The following SWAP70 variants were observed in gnomAD, a reference collection of about 807,000 sequenced individuals.
SWAP70 encodes the protein switching B cell complex subunit SWAP70, also known as switch-associated protein 70.
In SWAP70, 34 loss-of-function variants were observed where a neutral mutation model predicts 80.2. That is an observed-to-expected ratio of 0.42 (90% CI 0.32 to 0.56). The LOEUF (loss-of-function observed/expected upper bound fraction) is 0.56. SWAP70 is among the 20% of genes least tolerant of loss of function. The pLI, the probability that SWAP70 is intolerant of heterozygous loss-of-function variation, is 0.09. For synonymous variants in SWAP70, 239 were observed against 238.5 expected (o/e 1.00, Z -0.02); for missense variants, 578 against 690.7 (o/e 0.84, Z 1.83).
At chr11:9,690,803 T>TA (rs1170507160) in intron 1 of SWAP70, among the ~76,000 whole-genome samples, 1 of 152,166 alleles carries the variant, frequency 6.6e-6, no homozygotes, top group Non-Finnish European at 1.5e-5. Flanking sequence ...AGGTTGCTGA[T>TA]AAAAAGTTTT....
chr11:9,672,397 C>T (rs912150663), intron 1 of SWAP70, among the ~76,000 whole-genome samples: 1 of 151,254 alleles, frequency 6.6e-6, no homozygotes, highest in African/African-American at 2.4e-5. Flanking sequence ...CAGGGTCTCA[C>T]TCTGTCACTC....
intron 9 of SWAP70, chr11:9,742,033 C>G (rs1390963950): frequency 6.6e-6 from 1 of 150,520 alleles, no homozygotes; most frequent in African/African-American, 2.4e-5. Context: ...GCATTTGCAC[C>G]ACTGTACTAC....
rs796983418 is a variant in SWAP70, at chr11:9,720,162, G to A, written c.415-4496G>A. 10 of 985,158 alleles carry A rather than the reference G, an allele frequency of 1.0e-5. No individual in the cohort carries two copies. The African/African-American group carries it at 1.7e-4, about 17-fold the overall frequency. 61.0% of individuals were successfully genotyped at this position (985,158 alleles called of 1,614,324 possible). ...AGAATGGTAATGTTTGTCTCTCCTT[G>A]GCCCAATATAATGAATCAAAAGGCC... On this transcript the variant is annotated intron_variant, in intron 3 of 11. Transcript: ENST00000318950.
At chr11:9,736,503 C>T (rs902057733) in intron 7 of SWAP70, among the ~76,000 whole-genome samples, 13 of 152,038 alleles carry the variant, frequency 8.6e-5, no homozygotes, top group African/African-American at 2.9e-4. Flanking sequence ...CCCCTCTCCC[C>T]AGAGGCCTGC....
chr11:9,664,366 T>A, intron 1 of SWAP70, 88 bp downstream of exon 1: 8 of 1,402,624 alleles, frequency 5.7e-6, no homozygotes, highest in Non-Finnish European at 7.7e-6. Flanking sequence ...TGGCGGGCCG[T>A]GACCGCAGGG....
At chr11:9,738,136 G>C in intron 7 of SWAP70, 77 bp from the exon 8 acceptor site, 2 of 985,222 alleles carry the variant, frequency 2.0e-6, no homozygotes, top group Non-Finnish European at 2.9e-6. Flanking sequence ...CTGTACTTAA[G>C]TATGACTGTC....
chr11:9,671,416 TTATAAATATATA>T (rs1850382527), intron 1 of SWAP70, among the ~76,000 whole-genome samples: 1 of 87,858 alleles, frequency 1.1e-5, no homozygotes, highest in African/African-American at 5.0e-5. Context: ...AAAAATATAT[TTATAAATATATA>T]TATAAATATA....
chr11:9,673,973 C>G (rs1347462679), intron 1 of SWAP70, among the ~76,000 whole-genome samples: 1 of 152,146 alleles, frequency 6.6e-6, no homozygotes, highest in East Asian at 1.9e-4. Flanking sequence ...GATCTTGGCT[C>G]ACTGCAACCT....
rs1850604132 is a variant in SWAP70 at position 9,684,287 on chromosome 11, G to T, written c.100-9859G>T. On this transcript the variant is annotated intron_variant, in intron 1 of 11. Transcript: ENST00000318950. ...CATAGAGACAGGGTCTTGTTATGTT[G>T]CCCGGGCTGGTCCCAAACTCCTGAC... 2.6e-5 allele frequency among the ~76,000 whole-genome samples: 4 copies of T among 152,102 alleles called. No homozygotes were observed. In the South Asian group the frequency reaches 8.3e-4, roughly 32 times the overall value.
At chr11:9,704,867 AGATACACGGTGAAAGACAG>A (rs1363779965) in intron 2 of SWAP70, among the ~76,000 whole-genome samples, 5 of 152,252 alleles carry the variant, frequency 3.3e-5, no homozygotes, top group Admixed American at 3.3e-4. Context: ...GCATATCCAC[AGATACACGGTGAAAGACAG>A]GATCTAGAAT....
In SWAP70 at chr11:9,682,441, G is replaced by A. The variant is rs757374687; in HGVS notation, c.100-11705G>A. ...GAGATCTCATTTGGATCTTTTGGAC[G>A]TGAGGCAGATTTAGAATAGAAATCT... On this transcript the variant is annotated intron_variant, in intron 1 of 11. Transcript: ENST00000318950. 6.1e-4 allele frequency among the ~76,000 whole-genome samples: 93 copies of A among 152,306 alleles called. 1 individual carries two copies. The highest frequency in any genetic ancestry group is 6.8e-3 in the Middle Eastern group (2 of 294).
intron 9 of SWAP70, among the ~76,000 whole-genome samples, chr11:9,745,334 T>G (rs1851498646): frequency 6.6e-6 from 1 of 152,190 alleles, no homozygotes; most frequent in African/African-American, 2.4e-5. Context: ...AGTGTGTTGC[T>G]TTCTGTTCCT....
At chr11:9,671,776 T>TATA (rs1565109918) in intron 1 of SWAP70, among the ~76,000 whole-genome samples, 14 of 28,574 alleles carry the variant, frequency 4.9e-4, no homozygotes, top group Admixed American at 3.6e-3. Flanking sequence ...AATATAAATA[T>TATA]AATATATTAT....
chr11:9,725,159 G>A (rs568898905), intron 4 of SWAP70: 3 of 333,744 alleles, frequency 9.0e-6, no homozygotes, highest in Non-Finnish European at 1.6e-5. Context: ...TGTATATTTA[G>A]TAGAGATGGG....
At chr11:9,729,087 T>G (rs546271074) in intron 5 of SWAP70, among the ~76,000 whole-genome samples, 1 of 152,338 alleles carries the variant, frequency 6.6e-6, no homozygotes, top group South Asian at 2.1e-4. Flanking sequence ...GGATAAGAGC[T>G]GCTATACTCA....
chr11:9,671,146 TA>T (rs1850373532), intron 1 of SWAP70, among the ~76,000 whole-genome samples: 1 of 128,894 alleles, frequency 7.8e-6, no homozygotes, highest in Non-Finnish European at 1.6e-5. Context: ...AATATAAATA[TA>T]AAAATATATA....
chr11:9,673,889 T>G (rs1297358994), intron 1 of SWAP70, among the ~76,000 whole-genome samples: 6 of 152,150 alleles, frequency 3.9e-5, no homozygotes, highest in African/African-American at 1.4e-4. Flanking sequence ...TTCATTGATT[T>G]ATTTGTTTGT....
chr11:9,694,387 A>G (rs970160074), intron 2 of SWAP70, 101 bp downstream of exon 2: 13 of 1,272,082 alleles, frequency 1.0e-5, no homozygotes, highest in Non-Finnish European at 1.3e-5. Context: ...GAGTTGAGGT[A>G]CAAAGAATCA....
intron 1 of SWAP70, among the ~76,000 whole-genome samples, chr11:9,678,880 A>G (rs1165722695): frequency 6.6e-6 from 1 of 151,974 alleles, no homozygotes; most frequent in African/African-American, 2.4e-5. Context: ...TTCCCCTCCC[A>G]CAACACAAGC....
Sources: allele counts gnomAD v4.1 joint callset (sites outside exome capture counted in the v4.1 genomes callset), GRCh38; gene constraint gnomAD v4.1.1; transcripts MANE v1.5; gene names NCBI Gene and HGNC (gene_info 2026-07-23, HGNC 2026-07-21).